The following EPB41L5 variants were observed in gnomAD, a reference collection of about 807,000 sequenced individuals.
EPB41L5 encodes erythrocyte membrane protein band 4.1 like 5, also known as band 4.1-like protein 5.
In EPB41L5, 55 loss-of-function variants were observed where a neutral mutation model predicts 106.6. The observed-to-expected ratio is 0.52, with a 90% CI of 0.42 to 0.65. The LOEUF (loss-of-function observed/expected upper bound fraction) is 0.65. Among genes scored for constraint, EPB41L5 ranks in the 30% least tolerant of loss-of-function variants. EPB41L5 has a pLI of 0.00. For missense variants in EPB41L5, 871 were observed against 882.1 expected, an observed-to-expected ratio of 0.99 and a Z score of 0.16; for synonymous variants, 297 against 306.7, an observed-to-expected ratio of 0.97 and a Z score of 0.33.
chr2:120,024,580 C>T (rs964062345), intron 2 of EPB41L5, among the ~76,000 whole-genome samples: 13 of 152,060 alleles, frequency 8.5e-5, no homozygotes, highest in Non-Finnish European at 1.8e-4. Flanking sequence ...CCTCAGCCTC[C>T]CGAGTAGCTG....
chr2:120,106,318 G>A (rs763153867), intron 16 of EPB41L5: 47 of 985,242 alleles, frequency 4.8e-5, no homozygotes, highest in Non-Finnish European at 5.5e-5. Flanking sequence ...TTTTATAGAA[G>A]TTCCCATATG....
intron 2 of EPB41L5, among the ~76,000 whole-genome samples, chr2:120,041,476 T>C (rs1679400317): frequency 6.6e-6 from 1 of 152,192 alleles, no homozygotes; most frequent in South Asian, 2.1e-4. Context: ...TCTTATGCTC[T>C]CATATTCCCC....
chr2:120,109,287 T>C (rs1684612072), intron 16 of EPB41L5, among the ~76,000 whole-genome samples: 1 of 152,204 alleles, frequency 6.6e-6, no homozygotes, highest in Non-Finnish European at 1.5e-5. Context: ...TGCTCCCTGA[T>C]ACCATATTAC....
intron 10 of EPB41L5, among the ~76,000 whole-genome samples, chr2:120,085,905 A>G (rs1188816474): frequency 6.6e-6 from 1 of 152,144 alleles, no homozygotes; most frequent in Non-Finnish European, 1.5e-5. Context: ...TAATACTTGT[A>G]AAGCACTTAG....
chr2:120,032,246 T>C (rs1678762134), intron 2 of EPB41L5, among the ~76,000 whole-genome samples: 1 of 151,974 alleles, frequency 6.6e-6, no homozygotes, highest in Non-Finnish European at 1.5e-5. Flanking sequence ...CTCAGCCTGG[T>C]GGGCGCCTGT....
intron 3 of EPB41L5, among the ~76,000 whole-genome samples, chr2:120,059,165 A>G (rs988902302): frequency 1.3e-5 from 2 of 152,222 alleles, no homozygotes; most frequent in African/African-American, 2.4e-5. Context: ...ATTTTTGTCA[A>G]AGGTGCCAAA....
chr2:120,048,572 C>G (rs772271666), intron 3 of EPB41L5, among the ~76,000 whole-genome samples: 6 of 151,694 alleles, frequency 4.0e-5, no homozygotes, highest in Non-Finnish European at 8.8e-5. Flanking sequence ...AGCGGTCTGT[C>G]AATTTTGTTG....
At chr2:120,024,503 C>G (rs898832796) in intron 2 of EPB41L5, among the ~76,000 whole-genome samples, 7 of 152,108 alleles carry the variant, frequency 4.6e-5, no homozygotes, top group Non-Finnish European at 8.8e-5. Context: ...GTTGCCCAGG[C>G]TGGAGTGCAG....
At chr2:120,080,119 T>TA (rs1028949042) in intron 10 of EPB41L5, among the ~76,000 whole-genome samples, 3 of 152,048 alleles carry the variant, frequency 2.0e-5, no homozygotes, top group Non-Finnish European at 2.9e-5. Context: ...TTTTTTTTTT[T>TA]TTATTATACT....
chr2:120,075,767 A>T lies in EPB41L5; in HGVS notation c.505+14A>T. 1.3e-6 allele frequency: 2 copies of T among 1,599,146 alleles called. No individual in the cohort carries two copies. Among genetic ancestry groups the T allele is most frequent in the Non-Finnish European group, 8.6e-7 (1 of 1,166,648 alleles). On this transcript the variant is annotated intron_variant, in intron 7 of 24. Coordinates refer to ENST00000263713, the MANE Select transcript of EPB41L5 (RefSeq NM_020909.4). Reference sequence around the variant, plus strand: ...ATAATCTGCAAGGTAAGCAATTCTTATGTTGACTGTTAAGACTCAAGTATA... The same window carrying T: ...ATAATCTGCAAGGTAAGCAATTCTTTTGTTGACTGTTAAGACTCAAGTATA...
chr2:120,142,986 A>G lies in EPB41L5; in HGVS notation c.1600-17A>G, dbSNP rs1214730168. On this transcript the variant is annotated splice_polypyrimidine_tract_variant and intron_variant, in intron 18 of 24. Coordinates refer to ENST00000263713, the MANE Select transcript of EPB41L5 (RefSeq NM_020909.4). ...AGTGCATCAGAGTTGATTATAGTAT[A>G]TTTTTAAAATATCTAGGAGGAAGTG... 6.2e-7 allele frequency: 1 copy of G among 1,605,544 alleles called. No homozygotes were observed. Among genetic ancestry groups the G allele is most frequent in the South Asian group, 1.1e-5 (1 of 90,710 alleles).
chr2:120,148,718 C>G (rs1181392395), intron 20 of EPB41L5, among the ~76,000 whole-genome samples: 1 of 152,132 alleles, frequency 6.6e-6, no homozygotes, highest in Non-Finnish European at 1.5e-5. Context: ...AATAATATTT[C>G]ATTATATAGA....
At chr2:120,121,861 G>A (rs1685229709) in intron 16 of EPB41L5, among the ~76,000 whole-genome samples, 1 of 152,136 alleles carries the variant, frequency 6.6e-6, no homozygotes, top group Admixed American at 6.5e-5. Flanking sequence ...ACTTTTTAAT[G>A]ATTGCCATTC....
chr2:120,135,560 C>T (rs1685887090), intron 18 of EPB41L5, among the ~76,000 whole-genome samples: 1 of 151,970 alleles, frequency 6.6e-6, no homozygotes, highest in Non-Finnish European at 1.5e-5. Context: ...AAACAAATAA[C>T]ATACAAGGGA....
intron 20 of EPB41L5, among the ~76,000 whole-genome samples, chr2:120,156,936 G>A (rs1288516880): frequency 2.6e-5 from 4 of 152,116 alleles, no homozygotes; most frequent in Non-Finnish European, 5.9e-5. Context: ...TGGGTCAAAT[G>A]GACCTAATAG....
At chr2:120,093,477 G>A (rs956314352) in intron 14 of EPB41L5, among the ~76,000 whole-genome samples, 11 of 152,186 alleles carry the variant, frequency 7.2e-5, no homozygotes, top group African/African-American at 2.2e-4. Context: ...AGTAAAGAAT[G>A]GGGTCGAGGC....
At chr2:120,054,415 T>C (rs544864883) in intron 3 of EPB41L5, among the ~76,000 whole-genome samples, 4 of 152,354 alleles carry the variant, frequency 2.6e-5, no homozygotes, top group African/African-American at 9.6e-5. Context: ...TTACCTACTT[T>C]GGTTGCTTAT....
intron 3 of EPB41L5, among the ~76,000 whole-genome samples, chr2:120,072,694 A>G (rs111992253): frequency 0.032 from 4,823 of 152,222 alleles, 109 homozygotes; most frequent in Middle Eastern, 0.058. Context: ...AAAACCAAAC[A>G]CTGCATGTTC....
chr2:120,135,178 A>G (rs1009485151), intron 18 of EPB41L5, among the ~76,000 whole-genome samples: 1 of 152,184 alleles, frequency 6.6e-6, no homozygotes, highest in Admixed American at 6.5e-5. Context: ...AGAATGCATC[A>G]GAGTCTTTCA....
Sources: allele counts gnomAD v4.1 joint callset (sites outside exome capture counted in the v4.1 genomes callset), GRCh38; gene constraint gnomAD v4.1.1; transcripts MANE v1.5; gene names NCBI Gene and HGNC (gene_info 2026-07-23, HGNC 2026-07-21).